Variants in RB1 observed in about 807,000 individuals in gnomAD.
The protein encoded by RB1 is RB transcriptional corepressor 1.
RB1 carries 18 observed loss-of-function variants against 135.4 expected under a neutral mutation model. That is an observed-to-expected ratio of 0.13 (90% CI 0.09 to 0.20). The LOEUF is 0.20. Among genes scored for constraint, RB1 ranks in the 10% least tolerant of loss-of-function variants. The probability of loss-of-function intolerance (pLI) is 1.00; values close to 1 mark genes in which losing one functional copy is unlikely to be tolerated. For missense variants in RB1, 868 were observed against 1,110.0 expected (o/e 0.78, Z 3.10); for synonymous variants, 365 against 373.2 (o/e 0.98, Z 0.25).
chr13:48,394,577 T>C (rs198560), intron 17 of RB1, among the ~76,000 whole-genome samples: 136,236 of 152,166 alleles, frequency 0.9, 62,314 homozygotes, highest in East Asian at 1. Context: ...GGAGGGGCAT[T>C]CCCCATTACT....
At position 48,319,330 on chromosome 13, in the gene RB1, C is replaced by T. The variant is rs969409059; in HGVS notation, c.264+11924C>T. The T allele has an allele frequency of 5.4e-6, 3 of 550,644 alleles. No individual in the cohort carries two copies. Among genetic ancestry groups the T allele is most frequent in the African/African-American group, 3.9e-5 (2 of 51,532 alleles). The allele number at this position is 550,644 out of a possible 1,614,324, so 34.1% of individuals were successfully genotyped here. ...CGGCGCTGGGCCCTCTGGGGCAGGTCCCCGTTGGCCTCCTTGCGTGTTTGC... is the reference window on the plus strand; with the variant it reads ...CGGCGCTGGGCCCTCTGGGGCAGGTTCCCGTTGGCCTCCTTGCGTGTTTGC... On this transcript the variant is annotated intron_variant, in intron 2 of 26. Coordinates refer to ENST00000267163, the MANE Select transcript of RB1 (RefSeq NM_000321.3). The surrounding 1 kb of genome is among the most constrained non-coding windows in gnomAD (Gnocchi z 5.0).
At chr13:48,396,728 A>G (rs1948651582) in intron 17 of RB1, among the ~76,000 whole-genome samples, 1 of 152,232 alleles carries the variant, frequency 6.6e-6, no homozygotes, top group Non-Finnish European at 1.5e-5. Flanking sequence ...GAATGGGAGA[A>G]AATTTTTGCA....
intron 2 of RB1, chr13:48,320,325 G>T: frequency 8.1e-7 from 1 of 1,238,640 alleles, no homozygotes; most frequent in Non-Finnish European, 1.2e-6. Flanking sequence ...GCGTGCTGAT[G>T]AGCATCTGCA....
intron 17 of RB1, chr13:48,413,169 G>A (rs2138207641): frequency 6.0e-6 from 1 of 167,230 alleles, no homozygotes; most frequent in East Asian, 1.9e-4. Context: ...GGAAGAAGAG[G>A]CTGGGTTTGG....
intron 24 of RB1, among the ~76,000 whole-genome samples, chr13:48,475,117 C>T (rs1390827401): frequency 6.6e-6 from 1 of 152,084 alleles, no homozygotes; most frequent in African/African-American, 2.4e-5. Context: ...CACGATACCC[C>T]GTCTCAGCCT....
At chr13:48,330,912 G>A (rs1162949113) in intron 2 of RB1, among the ~76,000 whole-genome samples, 1 of 152,092 alleles carries the variant, frequency 6.6e-6, no homozygotes, top group Non-Finnish European at 1.5e-5. Flanking sequence ...CAAAATATTA[G>A]CAACAGCACA....
At chr13:48,317,038 C>G (rs747313800) in intron 2 of RB1, 2 of 655,108 alleles carry the variant, frequency 3.1e-6, no homozygotes, top group Admixed American at 3.5e-5. Context: ...TTCCTCCTGT[C>G]GGGCAAACTC....
intron 2 of RB1, among the ~76,000 whole-genome samples, chr13:48,327,609 AC>A (rs1216673745): frequency 1.3e-5 from 2 of 152,216 alleles, no homozygotes; most frequent in African/African-American, 2.4e-5. Flanking sequence ...ATCTAAATGT[AC>A]TTTCAGTCAA....
rs1469887040 is a variant in RB1 at position 48,303,969 on chromosome 13, AC to A, written c.62del (p.Pro21ArgfsTer44). On this transcript the variant is annotated frameshift_variant, in exon 1 of 27. Coordinates refer to ENST00000267163, the MANE Select transcript of RB1 (RefSeq NM_000321.3). LOFTEE classifies it high-confidence loss of function. ...AATAAAAAAE[P>X]PAPPPPPPPE... The stretch of plus-strand genomic sequence containing the variant: ...CCACCGCCGCCGCTGCCGCCGCGGA[AC>A]CCCCGGCACCGCCGCCGCCGCCCCC... 5 of 1,502,292 alleles carry A rather than the reference AC, an allele frequency of 3.3e-6. No homozygotes were observed. Among genetic ancestry groups the A allele is most frequent in the South Asian group, 1.2e-5 (1 of 80,792 alleles). The allele number at this position is 1,502,292 out of a possible 1,614,324, so 93.1% of individuals were successfully genotyped here.
intron 2 of RB1, among the ~76,000 whole-genome samples, chr13:48,339,062 G>A (rs1481985050): frequency 6.6e-6 from 1 of 152,164 alleles, no homozygotes; most frequent in East Asian, 1.9e-4. Context: ...ACTCAGCTGC[G>A]TGTGGTGTTA....
At chr13:48,466,158 G>A (rs1392603004) in intron 23 of RB1, among the ~76,000 whole-genome samples, 1 of 143,174 alleles carries the variant, frequency 7.0e-6, no homozygotes, top group Non-Finnish European at 1.5e-5. Context: ...AAGTGTCCCT[G>A]TCTGACAGCT....
rs1010049143 is a variant in RB1, at chr13:48,307,276, G to A, written c.138-4G>A. The A allele has an allele frequency of 1.2e-6, 2 of 1,600,868 alleles. No homozygotes were observed. The highest frequency in any genetic ancestry group is 1.7e-5 in the Admixed American group (1 of 59,968). The stretch of plus-strand genomic sequence containing the variant: ...CCAATTATATGATTATTTTCATTTG[G>A]TAGGCTTGAGTTTGAAGAAACAGAA... On this transcript the variant is annotated splice_polypyrimidine_tract_variant and splice_region_variant and intron_variant, in intron 1 of 26. Transcript: ENST00000267163.
intron 17 of RB1, among the ~76,000 whole-genome samples, chr13:48,429,785 T>C (rs541127472): frequency 1.2e-4 from 18 of 152,224 alleles, no homozygotes; most frequent in African/African-American, 4.3e-4. Flanking sequence ...AACTGGAAAA[T>C]GTAATGAAAA....
intron 26 of RB1, among the ~76,000 whole-genome samples, chr13:48,479,211 G>A (rs971092309): frequency 1.3e-4 from 20 of 151,828 alleles, no homozygotes; most frequent in African/African-American, 4.6e-4. Context: ...TTGGGCAACA[G>A]AGCAAGACCT....
At chr13:48,376,439 G>A (rs147345363) in intron 12 of RB1, among the ~76,000 whole-genome samples, 1 of 149,968 alleles carries the variant, frequency 6.7e-6, no homozygotes, top group Non-Finnish European at 1.5e-5. Flanking sequence ...GGCGGAGGTT[G>A]CAGTAAGCCG....
intron 17 of RB1, among the ~76,000 whole-genome samples, chr13:48,397,450 A>G (rs548411070): frequency 6.6e-6 from 1 of 152,200 alleles, no homozygotes; most frequent in Non-Finnish European, 1.5e-5. Context: ...CAGTGAGAAC[A>G]CATGGACACA....
intron 17 of RB1, among the ~76,000 whole-genome samples, chr13:48,420,826 A>G (rs1226223196): frequency 6.6e-6 from 1 of 152,176 alleles, no homozygotes; most frequent in Non-Finnish European, 1.5e-5. Context: ...CATACAACAC[A>G]CAAGGGATGT....
In RB1 at chr13:48,380,104, T is replaced by A; in HGVS notation, c.1421+20T>A. 6.9e-7 allele frequency: 1 copy of A among 1,439,492 alleles called. No homozygotes were observed. Among genetic ancestry groups the A allele is most frequent in the Non-Finnish European group, 9.3e-7 (1 of 1,072,200 alleles). The allele number at this position is 1,439,492 out of a possible 1,614,324, so 89.2% of individuals were successfully genotyped here. On this transcript the variant is annotated intron_variant, in intron 15 of 26. Transcript: ENST00000267163. ...TTTTAGGTAAATTTTTTACTTTTAG[T>A]AAAAAATTTTTTTCTTTTTATAGAA... is the stretch of plus-strand genomic sequence containing the variant.
chr13:48,459,991 A>C lies in RB1; in HGVS notation c.2106+158A>C, dbSNP rs1415810512. On this transcript the variant is annotated intron_variant, in intron 20 of 26. Coordinates refer to ENST00000267163, the MANE Select transcript of RB1 (RefSeq NM_000321.3). Reference sequence around the variant, plus strand: ...TCTCTCTTTCTTTCTTTTTTTTGAGATAGAGTCTCACTCTGTTACCCAGGC... The same window carrying C: ...TCTCTCTTTCTTTCTTTTTTTTGAGCTAGAGTCTCACTCTGTTACCCAGGC... 2.1e-4 allele frequency among the ~76,000 whole-genome samples: 13 copies of C among 60,714 alleles called. 2 individuals carry two copies. The highest frequency in any genetic ancestry group is 1.2e-4 in the Non-Finnish European group (3 of 24,844). The allele number at this position is 60,714 out of a possible 152,430, so 39.8% of individuals were successfully genotyped here.
Sources: gnomAD v4.1 joint callset for allele counts (sites outside exome capture counted in the v4.1 genomes callset) on GRCh38, gnomAD v4.1.1 for gene constraint, Gnocchi (gnomAD v3.1) non-coding constraint, MANE v1.5 for transcripts, NCBI Gene and HGNC (gene_info 2026-07-23, HGNC 2026-07-21) for gene names.